The following GRIP1 variants were observed in gnomAD, a reference collection of about 807,000 sequenced individuals.
GRIP1 encodes glutamate receptor-interacting protein 1.
Under a neutral mutation model 129.9 loss-of-function variants are expected in GRIP1, and 45 were observed. The observed-to-expected ratio is 0.35, with a 90% CI of 0.27 to 0.44. The LOEUF (loss-of-function observed/expected upper bound fraction) is 0.44. Among genes scored for constraint, GRIP1 ranks in the 20% least tolerant of loss-of-function variants. The pLI is 1.00. For synonymous variants in GRIP1, 530 were observed against 520.8 expected (o/e 1.02, Z -0.24); for missense variants, 1,196 against 1,396.8 (o/e 0.86, Z 2.29).
At chr12:66,711,695 G>A (rs1592766271) in intron 1 of GRIP1, among the ~76,000 whole-genome samples, 1 of 151,780 alleles carries the variant, frequency 6.6e-6, no homozygotes, top group East Asian at 1.9e-4. Context: ...GAGCATGAGT[G>A]CACAAATAAT....
chr12:66,539,728 G>A (rs1294870818), intron 3 of GRIP1, among the ~76,000 whole-genome samples: 1 of 151,920 alleles, frequency 6.6e-6, no homozygotes, highest in East Asian at 1.9e-4. Flanking sequence ...CAGGACTAAG[G>A]AAAGGGTCAG....
At chr12:66,610,909 G>A (rs1002782783) in intron 1 of GRIP1, among the ~76,000 whole-genome samples, 1 of 152,160 alleles carries the variant, frequency 6.6e-6, no homozygotes, top group African/African-American at 2.4e-5. Flanking sequence ...TTATGCATTT[G>A]TGTGCAGATC....
chr12:66,405,146 C>T (rs1387736778), intron 16 of GRIP1, among the ~76,000 whole-genome samples: 1 of 152,120 alleles, frequency 6.6e-6, no homozygotes, highest in Admixed American at 6.5e-5. Flanking sequence ...GCTATAAATT[C>T]TTTAAAGTCT....
intron 5 of GRIP1, among the ~76,000 whole-genome samples, chr12:66,521,913 C>A (rs1334312061): frequency 6.6e-6 from 1 of 152,212 alleles, no homozygotes; most frequent in Admixed American, 6.5e-5. Flanking sequence ...GCTAGCACAG[C>A]AGTCTGAGAT....
At chr12:66,973,919 CTTTTTTTTT>C (rs535699240) in intron 1 of GRIP1, among the ~76,000 whole-genome samples, 1 of 121,358 alleles carries the variant, frequency 8.2e-6, no homozygotes, top group Non-Finnish European at 1.7e-5. Flanking sequence ...CTTTTCTTTT[CTTTTTTTTT>C]TTTTTTTTTG....
chr12:66,949,234 C>T (rs1326136597), intron 1 of GRIP1, among the ~76,000 whole-genome samples: 1 of 152,030 alleles, frequency 6.6e-6, no homozygotes, highest in Non-Finnish European at 1.5e-5. Context: ...AGATTATTCA[C>T]TATTAAAAAA....
intron 1 of GRIP1, among the ~76,000 whole-genome samples, chr12:66,867,292 T>C (rs2040222902): frequency 6.6e-6 from 1 of 152,130 alleles, no homozygotes; most frequent in African/African-American, 2.4e-5. Flanking sequence ...CCCAATCTCA[T>C]ATTTTATTAA....
At chr12:66,410,195 A>T (rs1332754038) in intron 15 of GRIP1, among the ~76,000 whole-genome samples, 1 of 121,218 alleles carries the variant, frequency 8.2e-6, no homozygotes, top group Non-Finnish European at 1.7e-5. Flanking sequence ...GCTTGCAGTG[A>T]GCCGAGATCC....
chr12:66,824,291 A>T (rs2039371308), intron 1 of GRIP1, among the ~76,000 whole-genome samples: 1 of 152,144 alleles, frequency 6.6e-6, no homozygotes, highest in Admixed American at 6.5e-5. Context: ...TGAAAGGTGG[A>T]CGGTTTCAGA....
At chr12:66,923,261 A>T (rs751347202) in intron 1 of GRIP1, among the ~76,000 whole-genome samples, 2 of 152,180 alleles carry the variant, frequency 1.3e-5, no homozygotes, top group Non-Finnish European at 2.9e-5. Context: ...CGGGAGGATC[A>T]CTTGAACTGG....
chr12:66,492,422 C>T (rs749135028), intron 7 of GRIP1, among the ~76,000 whole-genome samples: 2 of 151,896 alleles, frequency 1.3e-5, no homozygotes, highest in Non-Finnish European at 2.9e-5. Context: ...AAAAGAACAA[C>T]AATTTGATGA....
intron 1 of GRIP1, among the ~76,000 whole-genome samples, chr12:66,769,131 T>C (rs149823653): frequency 0.01 from 1,594 of 152,270 alleles, 14 homozygotes; most frequent in Non-Finnish European, 0.015. Context: ...TTCTAACAAG[T>C]TCTCAGGTGA....
At chr12:66,360,657 A>T (rs138304487) in intron 23 of GRIP1, among the ~76,000 whole-genome samples, 27 of 152,314 alleles carry the variant, frequency 1.8e-4, no homozygotes, top group African/African-American at 5.3e-4. Context: ...GTTCACCATG[A>T]TTCACATTCA....
intron 1 of GRIP1, among the ~76,000 whole-genome samples, chr12:66,970,406 G>C (rs963922313): frequency 6.6e-6 from 1 of 152,178 alleles, no homozygotes; most frequent in Admixed American, 6.6e-5. Context: ...TCTGTTGAAA[G>C]CTAGACATGA....
At chr12:66,716,332 CA>C (rs993273669) in intron 1 of GRIP1, among the ~76,000 whole-genome samples, 21 of 151,814 alleles carry the variant, frequency 1.4e-4, no homozygotes, top group Middle Eastern at 3.4e-3. Flanking sequence ...CTCACCTGAC[CA>C]TTTATTAGAG....
At chr12:66,450,330 A>AAAAG (rs1565750772) in intron 11 of GRIP1, among the ~76,000 whole-genome samples, 7 of 148,802 alleles carry the variant, frequency 4.7e-5, no homozygotes, top group African/African-American at 1.7e-4. Context: ...AAAAAAAAAA[A>AAAAG]AAAGAAAGAG....
intron 1 of GRIP1, among the ~76,000 whole-genome samples, chr12:66,702,393 T>G (rs951818744): frequency 6.6e-5 from 10 of 152,176 alleles, no homozygotes; most frequent in Non-Finnish European, 2.9e-5. Context: ...TCTCTGCTTT[T>G]GTTCTCTTGA....
At chr12:66,613,777 G>T (rs2064919173) in intron 1 of GRIP1, among the ~76,000 whole-genome samples, 1 of 152,018 alleles carries the variant, frequency 6.6e-6, no homozygotes, top group South Asian at 2.1e-4. Context: ...TCACTATTAG[G>T]GTGCAGTCAC....
intron 1 of GRIP1, among the ~76,000 whole-genome samples, chr12:66,878,756 G>A (rs2040424147): frequency 6.6e-6 from 1 of 151,968 alleles, no homozygotes; most frequent in Non-Finnish European, 1.5e-5. Flanking sequence ...AGATAAACAA[G>A]AAAGAATATA....
Sources: allele counts gnomAD v4.1 joint callset (sites outside exome capture counted in the v4.1 genomes callset), GRCh38; gene constraint gnomAD v4.1.1; transcripts MANE v1.5; gene names NCBI Gene and HGNC (gene_info 2026-07-23, HGNC 2026-07-21).